PLOD2: variants seen among roughly 807,000 people sequenced by gnomAD.
PLOD2 encodes lysine hydroxylase 2.
PLOD2 carries 65 observed loss-of-function variants against 101.0 expected under a neutral mutation model. The ratio of observed to expected loss-of-function variants is 0.64; its 90% CI spans 0.53 to 0.79. PLOD2 has a LOEUF of 0.79. Among genes scored for constraint, PLOD2 ranks in the 30% least tolerant of loss-of-function variants. The probability of loss-of-function intolerance (pLI) is 0.00; values close to 1 mark genes in which losing one functional copy is unlikely to be tolerated. For synonymous variants in PLOD2, 314 were observed against 302.9 expected (o/e 1.04, Z -0.38); for missense variants, 909 against 914.6 (o/e 0.99, Z 0.08).
At chr3:146,109,874 G>A (rs1937597099) in intron 4 of PLOD2, among the ~76,000 whole-genome samples, 1 of 151,992 alleles carries the variant, frequency 6.6e-6, no homozygotes, top group South Asian at 2.1e-4. Context: ...ATAATATTAA[G>A]TAATACCTAT....
At position 146,096,999 on chromosome 3, in the gene PLOD2, T is replaced by TG. The variant is rs1205431639; in HGVS notation, c.778-5099dup. On this transcript the variant is annotated intron_variant, in intron 7 of 19. Coordinates refer to ENST00000282903, the MANE Select transcript of PLOD2 (RefSeq NM_182943.3). ...CCAGCCGCCCCGGCCGGGAGGGAGG[T>TG]GGGGGGGTCAGCCCCCCGCCCGGCC... 4.3e-3 allele frequency among the ~76,000 whole-genome samples: 264 copies of TG among 61,982 alleles called. 2 individuals are homozygous for TG. The highest frequency in any genetic ancestry group is 0.015 in the African/African-American group (246 of 15,960). 40.7% of individuals were successfully genotyped at this position (61,982 alleles called of 152,430 possible). A position where few individuals can be genotyped will look rare whatever the true frequency, so the allele number is the denominator to read the frequency against.
intron 1 of PLOD2, 108 bp downstream of exon 1, chr3:146,160,773 G>A: frequency 2.8e-6 from 2 of 725,580 alleles, no homozygotes; most frequent in Non-Finnish European, 4.8e-6. Flanking sequence ...AGGAGGGACA[G>A]GCCCCCACTA....
chr3:146,110,565 T>C, intron 3 of PLOD2, 117 bp from the exon 4 acceptor site: 1 of 727,762 alleles, frequency 1.4e-6, no homozygotes, highest in Non-Finnish European at 2.2e-6. Context: ...GATTAATACC[T>C]GTGCCAACTA....
intron 8 of PLOD2, among the ~76,000 whole-genome samples, chr3:146,091,183 T>C (rs1936958571): frequency 2.6e-5 from 4 of 151,570 alleles, no homozygotes; most frequent in Non-Finnish European, 4.4e-5. Context: ...CAGGTAAAAA[T>C]GCACAGTGTC....
chr3:146,156,780 AG>A (rs2032317069), intron 1 of PLOD2, among the ~76,000 whole-genome samples: 1 of 152,226 alleles, frequency 6.6e-6, no homozygotes, highest in Non-Finnish European at 1.5e-5. Context: ...AGGTCCCAAA[AG>A]TCCAAGAGAA....
intron 1 of PLOD2, among the ~76,000 whole-genome samples, chr3:146,157,030 T>C (rs2032331402): frequency 1.3e-5 from 2 of 152,170 alleles, no homozygotes; most frequent in Admixed American, 6.5e-5. Flanking sequence ...TTGCCAAACA[T>C]GGTTCAGAAA....
intron 1 of PLOD2, among the ~76,000 whole-genome samples, chr3:146,138,030 C>T (rs2031334423): frequency 6.6e-6 from 1 of 151,912 alleles, no homozygotes. Context: ...TTTCATTATT[C>T]AAAAGACAGG....
intron 5 of PLOD2, among the ~76,000 whole-genome samples, chr3:146,105,865 C>A (rs1209146391): frequency 6.6e-6 from 1 of 152,054 alleles, no homozygotes; most frequent in Non-Finnish European, 1.5e-5. Flanking sequence ...CTAAAGACTA[C>A]AAATGAGAAT....
intron 6 of PLOD2, among the ~76,000 whole-genome samples, chr3:146,103,460 ATTT>A (rs754846765): frequency 1.4e-5 from 2 of 141,614 alleles, no homozygotes; most frequent in Admixed American, 7.1e-5. Flanking sequence ...CATTGTGGGA[ATTT>A]TTTTTTTTTT....
intron 2 of PLOD2, chr3:146,123,225 CTT>C: frequency 2.8e-6 from 2 of 721,820 alleles, no homozygotes; most frequent in South Asian, 5.0e-5. Context: ...AATCTTTCTT[CTT>C]TTTTAAAAAA....
At chr3:146,151,778 T>C (rs2032068091) in intron 1 of PLOD2, among the ~76,000 whole-genome samples, 2 of 142,516 alleles carry the variant, frequency 1.4e-5, no homozygotes, top group Admixed American at 7.0e-5. Context: ...TGTGTGGTTT[T>C]TGTTTGTTCA....
At chr3:146,154,043 G>A (rs2032190854) in intron 1 of PLOD2, among the ~76,000 whole-genome samples, 1 of 151,960 alleles carries the variant, frequency 6.6e-6, no homozygotes, top group South Asian at 2.1e-4. Flanking sequence ...GATAATAAAA[G>A]CAATATTAAA....
intron 1 of PLOD2, among the ~76,000 whole-genome samples, chr3:146,140,287 A>G (rs552970020): frequency 6.6e-6 from 1 of 152,164 alleles, no homozygotes; most frequent in Non-Finnish European, 1.5e-5. Flanking sequence ...GCCTCTCAAG[A>G]TGCCTCTACA....
intron 4 of PLOD2, among the ~76,000 whole-genome samples, chr3:146,107,741 C>T (rs1006929153): frequency 6.7e-5 from 10 of 149,192 alleles, no homozygotes; most frequent in Admixed American, 2.7e-4. Flanking sequence ...AGTTCCCCTC[C>T]GCCTTCCACC....
chr3:146,090,543 G>T (rs3804665), intron 8 of PLOD2, among the ~76,000 whole-genome samples: 76,228 of 151,426 alleles, frequency 0.5, 19,252 homozygotes, highest in East Asian at 0.56. Flanking sequence ...GGCAAAAAAA[G>T]ATCAGGATAA....
In PLOD2 at chr3:146,154,780, C is replaced by T. The variant is rs1337011761; in HGVS notation, c.109+6101G>A. Among the ~76,000 whole-genome samples the T allele has an allele frequency of 5.3e-5, 8 of 152,136 alleles. No homozygotes were observed. The East Asian group carries it at 1.5e-3, about 29-fold the overall frequency. On this transcript the variant is annotated intron_variant, in intron 1 of 19. Transcript: ENST00000282903. ...ATTTTCCTAAATCTGCCACAATGTG[C>T]TACTAAAACAATCAAGGCCTGAAAA... is the stretch of plus-strand genomic sequence containing the variant.
At chr3:146,097,806 T>A (rs12639125) in intron 7 of PLOD2, among the ~76,000 whole-genome samples, 23,819 of 124,108 alleles carry the variant, frequency 0.19, 2,534 homozygotes, top group African/African-American at 0.32. Context: ...AAAAAAAAAA[T>A]AATAATAATA....
At chr3:146,095,532 T>C (rs918155483) in intron 7 of PLOD2, among the ~76,000 whole-genome samples, 15 of 152,242 alleles carry the variant, frequency 9.9e-5, no homozygotes, top group South Asian at 6.2e-4. Flanking sequence ...CCAGTTAGAA[T>C]GGCAATCGCT....
chr3:146,113,020 G>T (rs1937718253), intron 3 of PLOD2, among the ~76,000 whole-genome samples: 1 of 152,050 alleles, frequency 6.6e-6, no homozygotes, highest in South Asian at 2.1e-4. Context: ...TGCACTTTTG[G>T]AATGTGAGTG....
Sources: gnomAD v4.1 joint callset for allele counts (sites outside exome capture counted in the v4.1 genomes callset) on GRCh38, gnomAD v4.1.1 for gene constraint, MANE v1.5 for transcripts, NCBI Gene and HGNC (gene_info 2026-07-23, HGNC 2026-07-21) for gene names.